GALNT1: variants seen among roughly 807,000 people sequenced by gnomAD.
GALNT1 encodes the protein polypeptide N-acetylgalactosaminyltransferase 1.
A neutral mutation model predicts 65.7 loss-of-function variants in GALNT1; 17 were observed. The ratio of observed to expected loss-of-function variants is 0.26; its 90% confidence interval spans 0.18 to 0.39. The LOEUF (loss-of-function observed/expected upper bound fraction) is 0.39. Ranked by LOEUF, GALNT1 falls within the 10% of genes least tolerant of loss-of-function variation. GALNT1 has a pLI of 1.00. For missense variants in GALNT1, 460 were observed against 672.8 expected (o/e 0.68, Z 3.50); for synonymous variants, 210 against 219.7 (o/e 0.96, Z 0.39).
At position 35,708,955 on chromosome 18, in the gene GALNT1, G is replaced by A. The variant is rs143997512; in HGVS notation, c.1534-669G>A. On this transcript the variant is annotated intron_variant, in intron 11 of 11. Coordinates refer to ENST00000269195, the MANE Select transcript of GALNT1 (RefSeq NM_020474.4). ...AAATGAGAAACCTCAAGTTACCCAGGCTGTGAACTCAACTCCACATTCCTG... is the reference window on the plus strand; with the variant it reads ...AAATGAGAAACCTCAAGTTACCCAGACTGTGAACTCAACTCCACATTCCTG... Among the ~76,000 whole-genome samples, 613 of 152,222 alleles carry A rather than the reference G, an allele frequency of 4.0e-3. 3 individuals are homozygous for A. Among genetic ancestry groups the A allele is most frequent in the Non-Finnish European group, 5.9e-3 (401 of 68,012 alleles).
At chr18:35,596,652 G>A (rs1028261797) in intron 1 of GALNT1, 2 of 151,934 alleles carry the variant, frequency 1.3e-5, no homozygotes, top group African/African-American at 2.4e-5. Context: ...GAATTTCACC[G>A]GGCAGAAATT....
At chr18:35,653,750 T>C (rs893344169) in intron 1 of GALNT1, among the ~76,000 whole-genome samples, 1 of 152,212 alleles carries the variant, frequency 6.6e-6, no homozygotes, top group Non-Finnish European at 1.5e-5. Context: ...TTGGTAACCA[T>C]TCCTCTAGTC....
chr18:35,674,525 G>A (rs538410134), intron 3 of GALNT1, among the ~76,000 whole-genome samples: 1 of 152,280 alleles, frequency 6.6e-6, no homozygotes, highest in East Asian at 1.9e-4. Flanking sequence ...CATTGTCCCT[G>A]CAGCACCTTC....
chr18:35,709,436 TTCTC>T (rs58566456), intron 11 of GALNT1, among the ~76,000 whole-genome samples, 184 bp from the exon 12 acceptor site: 2,690 of 148,410 alleles, frequency 0.018, 80 homozygotes, highest in African/African-American at 0.06. Flanking sequence ...ATCTACCTAC[TTCTC>T]TCTCTCTCTC....
intron 4 of GALNT1, among the ~76,000 whole-genome samples, chr18:35,678,353 C>T (rs1388639320): frequency 6.6e-6 from 1 of 151,278 alleles, no homozygotes; most frequent in Non-Finnish European, 1.5e-5. Context: ...TGCCCACGTC[C>T]TTCTAGGAGT....
intron 1 of GALNT1, among the ~76,000 whole-genome samples, chr18:35,626,682 T>C (rs2046921451): frequency 1.3e-5 from 2 of 152,178 alleles, no homozygotes; most frequent in African/African-American, 2.4e-5. Context: ...TTGGTCTGGC[T>C]CCATGAAATC....
At chr18:35,620,693 T>C (rs2046839449) in intron 1 of GALNT1, among the ~76,000 whole-genome samples, 1 of 152,250 alleles carries the variant, frequency 6.6e-6, no homozygotes, top group African/African-American at 2.4e-5. Context: ...CATTGTTTAC[T>C]GATAATGATG....
intron 1 of GALNT1, among the ~76,000 whole-genome samples, chr18:35,635,732 A>G (rs749222037): frequency 2.0e-5 from 3 of 152,078 alleles, no homozygotes; most frequent in Admixed American, 6.6e-5. Flanking sequence ...AGAAGTTTGT[A>G]GATTTTTTTT....
chr18:35,653,098 T>C (rs1488222283), intron 1 of GALNT1, among the ~76,000 whole-genome samples: 4 of 152,182 alleles, frequency 2.6e-5, no homozygotes, highest in Admixed American at 6.5e-5. Context: ...ACCATAGTTA[T>C]CAGTAAGTTG....
intron 3 of GALNT1, among the ~76,000 whole-genome samples, chr18:35,675,273 T>A (rs1180401334): frequency 2.0e-5 from 3 of 152,196 alleles, no homozygotes; most frequent in Non-Finnish European, 4.4e-5. Flanking sequence ...TTGTGTGTGT[T>A]TGTACCTGTT....
intron 11 of GALNT1, among the ~76,000 whole-genome samples, chr18:35,706,268 T>G (rs981448188): frequency 6.6e-6 from 1 of 152,110 alleles, no homozygotes; most frequent in African/African-American, 2.4e-5. Flanking sequence ...CCCAGCACTT[T>G]GGGAGGCCGA....
intron 6 of GALNT1, among the ~76,000 whole-genome samples, chr18:35,687,630 A>G (rs1167876428): frequency 6.6e-6 from 1 of 152,226 alleles, no homozygotes; most frequent in Non-Finnish European, 1.5e-5. Flanking sequence ...AAAGTTAGAA[A>G]AGCTTGTGTA....
chr18:35,650,615 G>A (rs1340265139), intron 1 of GALNT1, among the ~76,000 whole-genome samples: 1 of 152,074 alleles, frequency 6.6e-6, no homozygotes, highest in Non-Finnish European at 1.5e-5. Flanking sequence ...GAGACCCCTT[G>A]GGAAACCATT....
In GALNT1 at chr18:35,685,455, G is replaced by A. The variant is rs191054044; in HGVS notation, c.690-1561G>A. On this transcript the variant is annotated intron_variant, in intron 5 of 11. Coordinates refer to ENST00000269195, the MANE Select transcript of GALNT1 (RefSeq NM_020474.4). ...ATACTTAGCAAACTATTATACAGTG[G>A]AAGTTTACTAATCCAAGAAAGGATG... 7.9e-3 allele frequency among the ~76,000 whole-genome samples: 1,177 copies of A among 149,420 alleles called. 4 individuals carry two copies. The highest frequency in any genetic ancestry group is 0.014 in the Middle Eastern group (4 of 294).
intron 1 of GALNT1, among the ~76,000 whole-genome samples, chr18:35,649,807 G>GA (rs2047285815): frequency 1.3e-5 from 2 of 152,102 alleles, no homozygotes; most frequent in African/African-American, 2.4e-5. Context: ...ATTGTTCTGG[G>GA]ACTGTTGAAA....
intron 3 of GALNT1, among the ~76,000 whole-genome samples, chr18:35,664,977 T>C (rs1205128617): frequency 1.3e-5 from 2 of 152,248 alleles, no homozygotes; most frequent in Non-Finnish European, 2.9e-5. Context: ...AATTGCACTT[T>C]AGTGCTGATT....
intron 3 of GALNT1, among the ~76,000 whole-genome samples, chr18:35,664,909 A>G (rs1163231769): frequency 5.3e-5 from 8 of 152,252 alleles, no homozygotes; most frequent in Non-Finnish European, 1.2e-4. Context: ...GAGAAGGGTA[A>G]GTACCTAGTG....
chr18:35,704,273 TA>T (rs1207516019), intron 11 of GALNT1, among the ~76,000 whole-genome samples: 2 of 150,864 alleles, frequency 1.3e-5, no homozygotes, highest in African/African-American at 4.9e-5. Context: ...TAATTTGGCT[TA>T]ACTTCTGTAA....
chr18:35,680,786 A>G (rs958278656), intron 4 of GALNT1, among the ~76,000 whole-genome samples: 1 of 152,172 alleles, frequency 6.6e-6, no homozygotes, highest in African/African-American at 2.4e-5. Context: ...GTATAAATCC[A>G]GAGCCTGACC....
Sources: allele counts gnomAD v4.1 joint callset (sites outside exome capture counted in the v4.1 genomes callset), GRCh38; gene constraint gnomAD v4.1.1; transcripts MANE v1.5; gene names NCBI Gene and HGNC (gene_info 2026-07-23, HGNC 2026-07-21).